The following CTNNA3 variants were observed in gnomAD, a reference collection of about 807,000 sequenced individuals.
CTNNA3 encodes the protein catenin alpha 3, also known as catenin alpha-3.
A neutral mutation model predicts 95.7 loss-of-function variants in CTNNA3; 76 were observed. That is an observed-to-expected ratio of 0.79 (90% CI 0.66 to 0.96). The LOEUF is 0.96. Among genes scored for constraint, CTNNA3 ranks in the 40% least tolerant of loss-of-function variants. The pLI is 0.00. For missense variants in CTNNA3, 1,191 were observed against 1,089.8 expected (o/e 1.09, Z -1.31); for synonymous variants, 431 against 374.4 (o/e 1.15, Z -1.74).
At chr10:66,149,123 G>T (rs1010001892) in intron 13 of CTNNA3, among the ~76,000 whole-genome samples, 5 of 148,744 alleles carry the variant, frequency 3.4e-5, no homozygotes, top group Admixed American at 6.8e-5. Context: ...ATCTAAATAT[G>T]AATAAATGCA....
Position 67,273,118 on chromosome 10 carries a change from A to T in CTNNA3, c.580-53248T>A, listed in dbSNP as rs191437796. On this transcript the variant is annotated intron_variant, in intron 5 of 17. Transcript: ENST00000433211. Reference sequence around the variant, plus strand: ...TCATGAGACTATGGAGAAGTCACATAACCATCATAACTCCTATTCCTCATA... The same window carrying T: ...TCATGAGACTATGGAGAAGTCACATTACCATCATAACTCCTATTCCTCATA... 1.5e-3 allele frequency among the ~76,000 whole-genome samples: 221 copies of T among 152,290 alleles called. 2 individuals are homozygous for T. The highest frequency in any genetic ancestry group is 5.1e-3 in the African/African-American group (214 of 41,578).
At chr10:66,422,416 C>T (rs2093203329) in intron 11 of CTNNA3, among the ~76,000 whole-genome samples, 1 of 152,188 alleles carries the variant, frequency 6.6e-6, no homozygotes, top group African/African-American at 2.4e-5. Context: ...AATAAAGGAG[C>T]ATGTATGATT....
intron 5 of CTNNA3, among the ~76,000 whole-genome samples, chr10:67,503,986 T>C (rs189510956): frequency 6.7e-6 from 1 of 149,800 alleles, no homozygotes; most frequent in Non-Finnish European, 1.5e-5. Context: ...TGAAACCCCG[T>C]CTCTACTAAA....
At chr10:67,170,189 A>G (rs1336569780) in intron 7 of CTNNA3, among the ~76,000 whole-genome samples, 1 of 152,254 alleles carries the variant, frequency 6.6e-6, no homozygotes, top group Non-Finnish European at 1.5e-5. Flanking sequence ...AAGTTAATTC[A>G]GCCATTGTGG....
In CTNNA3 at chr10:66,981,009, T is replaced by C. The variant is rs1474312045; in HGVS notation, c.1047+199308A>G. Among the ~76,000 whole-genome samples, 4 of 152,068 alleles carry C rather than the reference T, an allele frequency of 2.6e-5. No homozygotes were observed. In the East Asian group the frequency reaches 7.7e-4, roughly 29 times the overall value. On this transcript the variant is annotated intron_variant, in intron 7 of 17. Transcript: ENST00000433211. ...CCAACCTCCACCTCCCGGGTTCAAG[T>C]GATTCTCTTGCCTCAGCCTCCCTAG...
At chr10:66,711,258 CAAAAAA>C (rs56013857) in intron 9 of CTNNA3, among the ~76,000 whole-genome samples, 2 of 118,162 alleles carry the variant, frequency 1.7e-5, no homozygotes, top group African/African-American at 3.2e-5. Context: ...GAACAAGAAA[CAAAAAA>C]AAAAAAAAAA....
chr10:67,365,151 C>T (rs950201636), intron 5 of CTNNA3, among the ~76,000 whole-genome samples: 2 of 152,098 alleles, frequency 1.3e-5, no homozygotes, highest in East Asian at 3.9e-4. Flanking sequence ...ATAAATGGTG[C>T]TGGGAAAACT....
intron 12 of CTNNA3, among the ~76,000 whole-genome samples, chr10:66,313,092 C>T (rs1406391074): frequency 2.6e-5 from 4 of 152,150 alleles, no homozygotes; most frequent in African/African-American, 9.7e-5. Context: ...TTCCCCCTTC[C>T]TTATTTAAAA....
At chr10:66,109,051 C>T (rs1053202151) in intron 13 of CTNNA3, among the ~76,000 whole-genome samples, 5 of 152,290 alleles carry the variant, frequency 3.3e-5, no homozygotes, top group African/African-American at 1.2e-4. Context: ...TCAGTACTAA[C>T]TTGCCCTACT....
rs142049375 is a variant in CTNNA3 at position 66,292,492 on chromosome 10, T to A, written c.1733-11871A>T. 3.9e-5 allele frequency among the ~76,000 whole-genome samples: 6 copies of A among 152,246 alleles called. No individual in the cohort carries two copies. In the East Asian group the frequency reaches 1.2e-3, roughly 29 times the overall value. On this transcript the variant is annotated intron_variant, in intron 12 of 17. Coordinates refer to ENST00000433211, the MANE Select transcript of CTNNA3 (RefSeq NM_013266.4). ...AGTTGCTGTGAATTTCGTGTAGGTC[T>A]CTCTCAATGGAAAAGTTTGCTTCTC...
At chr10:67,030,775 G>A (rs1370187430) in intron 7 of CTNNA3, among the ~76,000 whole-genome samples, 1 of 152,202 alleles carries the variant, frequency 6.6e-6, no homozygotes, top group East Asian at 1.9e-4. Context: ...GGAGGCCGAG[G>A]TGGGCAGATC....
chr10:66,587,182 T>C (rs1475266496), intron 10 of CTNNA3, among the ~76,000 whole-genome samples: 2 of 152,162 alleles, frequency 1.3e-5, no homozygotes, highest in Non-Finnish European at 2.9e-5. Context: ...ATTGGGCACA[T>C]AGACAGACTC....
chr10:66,065,769 A>T (rs2080301080), intron 15 of CTNNA3, among the ~76,000 whole-genome samples: 1 of 152,106 alleles, frequency 6.6e-6, no homozygotes, highest in Non-Finnish European at 1.5e-5. Flanking sequence ...CCTGTCTATA[A>T]ATACACCCAC....
At chr10:65,997,086 G>A (rs2078679797) in intron 15 of CTNNA3, among the ~76,000 whole-genome samples, 1 of 152,134 alleles carries the variant, frequency 6.6e-6, no homozygotes, top group Middle Eastern at 3.4e-3. Flanking sequence ...CCAAGCCTAA[G>A]AAATGTGTAA....
At chr10:67,558,178 C>G (rs1334844998) in intron 3 of CTNNA3, among the ~76,000 whole-genome samples, 1 of 152,124 alleles carries the variant, frequency 6.6e-6, no homozygotes, top group African/African-American at 2.4e-5. Flanking sequence ...AGTCATAGTC[C>G]CAGATGCAAG....
chr10:66,368,806 T>C lies in CTNNA3; in HGVS notation c.1732+10346A>G, dbSNP rs79387673. Among the ~76,000 whole-genome samples, 1,142 of 152,248 alleles carry C rather than the reference T, an allele frequency of 7.5e-3. 12 individuals are homozygous for C. The highest frequency in any genetic ancestry group is 0.025 in the African/African-American group (1,048 of 41,560). Reference sequence around the variant, plus strand: ...AAAATAATTTCATTTTTTATCAACATCCATACTTTAATTCCTCTTTTTACA... The same window carrying C: ...AAAATAATTTCATTTTTTATCAACACCCATACTTTAATTCCTCTTTTTACA... On this transcript the variant is annotated intron_variant, in intron 12 of 17. Coordinates refer to ENST00000433211, the MANE Select transcript of CTNNA3 (RefSeq NM_013266.4).
intron 10 of CTNNA3, among the ~76,000 whole-genome samples, chr10:66,575,035 T>C (rs1842967122): frequency 6.6e-6 from 1 of 152,166 alleles, no homozygotes; most frequent in Admixed American, 6.5e-5. Context: ...GACTGGAGTC[T>C]TCTAGCTATA....
chr10:67,091,379 AG>A (rs957193966), intron 7 of CTNNA3, among the ~76,000 whole-genome samples: 14 of 151,936 alleles, frequency 9.2e-5, no homozygotes, highest in African/African-American at 3.4e-4. Flanking sequence ...TATATATTTA[AG>A]GAATATATGT....
intron 1 of CTNNA3, chr10:67,751,028 G>A: frequency 6.5e-7 from 1 of 1,538,592 alleles, no homozygotes; most frequent in Non-Finnish European, 9.0e-7. Flanking sequence ...CCCAGGTTCT[G>A]ATCCATTTCC....
Sources: allele counts gnomAD v4.1 joint callset (sites outside exome capture counted in the v4.1 genomes callset), GRCh38; gene constraint gnomAD v4.1.1; transcripts MANE v1.5; gene names NCBI Gene and HGNC (gene_info 2026-07-23, HGNC 2026-07-21).